The following UTRN variants were observed in gnomAD, a reference collection of about 807,000 sequenced individuals.
UTRN encodes dystrophin-related protein 1.
Under a neutral mutation model 463.9 loss-of-function variants are expected in UTRN, and 283 were observed. The observed-to-expected ratio is 0.61, with a 90% CI of 0.55 to 0.67. The LOEUF (loss-of-function observed/expected upper bound fraction) is 0.67. Ranked by LOEUF, UTRN falls within the 30% of genes least tolerant of loss-of-function variation. UTRN has a pLI of 0.00. For synonymous variants in UTRN, 1,442 were observed against 1,431.5 expected, an observed-to-expected ratio of 1.01 and a Z score of -0.17; for missense variants, 3,922 against 4,084.3, an observed-to-expected ratio of 0.96 and a Z score of 1.08.
chr6:144,546,191 G>T (rs2128609309), intron 46 of UTRN, among the ~76,000 whole-genome samples: 1 of 152,296 alleles, frequency 6.6e-6, no homozygotes, highest in South Asian at 2.1e-4. Context: ...ACTGGGTTTA[G>T]CATATGGGTG....
At chr6:144,400,565 T>C (rs73780553) in intron 2 of UTRN, among the ~76,000 whole-genome samples, 9,466 of 152,218 alleles carry the variant, frequency 0.062, 1,005 homozygotes, top group African/African-American at 0.22. Context: ...GGCAAATTCT[T>C]GTTCTTTTAC....
intron 53 of UTRN, among the ~76,000 whole-genome samples, chr6:144,705,929 A>G (rs1376948923): frequency 6.6e-6 from 1 of 151,644 alleles, no homozygotes. Flanking sequence ...ATAAATCTAC[A>G]TTATTACAGT....
intron 52 of UTRN, among the ~76,000 whole-genome samples, chr6:144,687,118 A>C (rs1464211505): frequency 1.3e-5 from 2 of 152,102 alleles, no homozygotes; most frequent in Non-Finnish European, 2.9e-5. Flanking sequence ...CGTCCCTGGG[A>C]TGAAACCTAC....
chr6:144,771,150 C>T (rs1014862128), intron 58 of UTRN, among the ~76,000 whole-genome samples: 3 of 152,114 alleles, frequency 2.0e-5, no homozygotes, highest in Non-Finnish European at 4.4e-5. Context: ...CAAGCCAGGA[C>T]CGAAGGGTTC....
intron 2 of UTRN, among the ~76,000 whole-genome samples, chr6:144,306,743 C>T (rs1584221074): frequency 6.6e-6 from 1 of 151,870 alleles, no homozygotes; most frequent in African/African-American, 2.4e-5. Context: ...ATTTTTTGAG[C>T]TCTTTGCAAG....
At position 144,624,586 on chromosome 6, in the gene UTRN, G is replaced by A. The variant is rs191767204; in HGVS notation, c.7479+47298G>A. 4.2e-3 allele frequency among the ~76,000 whole-genome samples: 647 copies of A among 152,310 alleles called. 1 individual carries two copies. Among genetic ancestry groups the A allele is most frequent in the Admixed American group, 8.5e-3 (130 of 15,302 alleles). On this transcript the variant is annotated intron_variant, in intron 51 of 74. Coordinates refer to ENST00000367545, the MANE Select transcript of UTRN (RefSeq NM_007124.3). ...AATTTCAGTTCAGAAGATCAGAAGG[G>A]TGGCCGGGGGCCATTACCAGGAAGA... is the stretch of plus-strand genomic sequence containing the variant.
intron 74 of UTRN, among the ~76,000 whole-genome samples, chr6:144,849,994 C>A (rs1295088926): frequency 6.6e-6 from 1 of 152,176 alleles, no homozygotes; most frequent in Non-Finnish European, 1.5e-5. Flanking sequence ...AATGAGGCTG[C>A]CTGGCTGAGA....
intron 50 of UTRN, among the ~76,000 whole-genome samples, chr6:144,575,456 C>G (rs753188618): frequency 3.9e-5 from 6 of 152,042 alleles, no homozygotes; most frequent in Non-Finnish European, 1.5e-5. Context: ...ATTAGATATG[C>G]TGATTTTTAC....
chr6:144,721,652 A>C (rs569007334), intron 53 of UTRN, among the ~76,000 whole-genome samples: 78 of 152,316 alleles, frequency 5.1e-4, no homozygotes, highest in African/African-American at 1.8e-3. Context: ...CTACAGGCTG[A>C]GCATCCTTTG....
At chr6:144,499,496 G>T in intron 34 of UTRN, 69 bp downstream of exon 34, 2 of 1,385,714 alleles carry the variant, frequency 1.4e-6, no homozygotes, top group Non-Finnish European at 1.9e-6. Flanking sequence ...GGGCGACCTG[G>T]TTGGATACCA....
In UTRN at chr6:144,482,235, G is replaced by A; in HGVS notation, c.3534G>A (p.Lys1178=). Residue 1178 remains lysine, a synonymous_variant, in exon 27 of 75, where the codon AAG becomes AAA. Transcript: ENST00000367545. ...GGGCAAAAGAGGATGTGTTGCAGAA[G>A]GAGGTGAGAGTGAAGATTCTCAAGG... ...MKRAKEDVLQ[K]EVRVKILKDN... is the part of the protein sequence containing the mutation. The A allele has an allele frequency of 6.6e-7, 1 of 1,515,322 alleles. No individual in the cohort carries two copies. Among genetic ancestry groups the A allele is most frequent in the Non-Finnish European group, 8.9e-7 (1 of 1,128,150 alleles). 93.9% of individuals were successfully genotyped at this position (1,515,322 alleles called of 1,614,324 possible). A position where few individuals can be genotyped will look rare whatever the true frequency, so the allele number is the denominator to read the frequency against.
chr6:144,729,650 T>A (rs1355916073), intron 53 of UTRN, among the ~76,000 whole-genome samples: 1 of 151,936 alleles, frequency 6.6e-6, no homozygotes, highest in Admixed American at 6.6e-5. Flanking sequence ...ACTGAAGGAG[T>A]TTGGTTGTTT....
At chr6:144,779,948 T>TAAAAAA (rs35161598) in intron 60 of UTRN, among the ~76,000 whole-genome samples, 1 of 146,478 alleles carries the variant, frequency 6.8e-6, no homozygotes. Context: ...TTTATCTCTT[T>TAAAAAA]AAAAAAAAAA....
At chr6:144,754,116 C>G (rs1791715293) in intron 56 of UTRN, among the ~76,000 whole-genome samples, 1 of 138,254 alleles carries the variant, frequency 7.2e-6, no homozygotes, top group South Asian at 2.4e-4. Context: ...CTCTCACTCC[C>G]CATATATATA....
chr6:144,635,696 C>T (rs574026855), intron 51 of UTRN, among the ~76,000 whole-genome samples: 16 of 151,516 alleles, frequency 1.1e-4, no homozygotes, highest in Middle Eastern at 3.4e-3. Flanking sequence ...CATGCCACCA[C>T]GCCTGGCTAA....
chr6:144,448,685 T>C lies in UTRN; in HGVS notation c.1988T>C (p.Ile663Thr), dbSNP rs1787940091. 1.9e-6 allele frequency: 3 copies of C among 1,613,724 alleles called. No homozygotes were observed. In the East Asian group the frequency reaches 6.7e-5, roughly 36 times the overall value. Residue 663 changes from isoleucine (I) to threonine (T), a missense_variant, in exon 17 of 75, where the codon ATT (isoleucine) becomes ACT (threonine). Physicochemically the swap from Ile to Thr is moderately conservative, Grantham distance 89 (BLOSUM62 -1). Transcript: ENST00000367545. ...ACTGTTCGTGTAAGAGAACAAGCAATTACAAAAAAATCTAAGCAGGAACTG... is the reference window on the plus strand; with the variant it reads ...ACTGTTCGTGTAAGAGAACAAGCAACTACAAAAAAATCTAAGCAGGAACTG... ...LETVRVREQAITKKSKQELPP... is the reference protein window; with the variant it reads ...LETVRVREQATTKKSKQELPP...
chr6:144,453,266 G>A (rs893884787), intron 18 of UTRN, among the ~76,000 whole-genome samples: 1 of 152,050 alleles, frequency 6.6e-6, no homozygotes, highest in Admixed American at 6.6e-5. Context: ...GGGATTATAG[G>A]CACACGCCAC....
chr6:144,651,168 G>C (rs1176443280), intron 51 of UTRN, among the ~76,000 whole-genome samples: 1 of 151,818 alleles, frequency 6.6e-6, no homozygotes, highest in Non-Finnish European at 1.5e-5. Flanking sequence ...TATTTTTAGA[G>C]TTTTTATCAA....
chr6:144,474,004 T>C (rs1406689814), intron 24 of UTRN, among the ~76,000 whole-genome samples, 171 bp downstream of exon 24: 1 of 152,106 alleles, frequency 6.6e-6, no homozygotes, highest in Non-Finnish European at 1.5e-5. Context: ...AATGACAGAT[T>C]CTTCAAGTTT....
Sources: allele counts gnomAD v4.1 joint callset (sites outside exome capture counted in the v4.1 genomes callset), GRCh38; gene constraint gnomAD v4.1.1; transcripts MANE v1.5; gene names NCBI Gene and HGNC (gene_info 2026-07-23, HGNC 2026-07-21).